The following HSD17B3 variants were observed in gnomAD, a reference collection of about 807,000 sequenced individuals.
The protein encoded by HSD17B3 is 17-beta-hydroxysteroid dehydrogenase type 3.
A neutral mutation model predicts 41.1 loss-of-function variants in HSD17B3; 29 were observed. The ratio of observed to expected loss-of-function variants is 0.71; its 90% CI spans 0.53 to 0.96. The LOEUF (loss-of-function observed/expected upper bound fraction) is 0.96. HSD17B3 is among the 40% of genes least tolerant of loss of function. The pLI is 0.00. For missense variants in HSD17B3, 323 were observed against 374.6 expected, an observed-to-expected ratio of 0.86 and a Z score of 1.14; for synonymous variants, 126 against 145.6, an observed-to-expected ratio of 0.87 and a Z score of 0.97.
At chr9:96,244,454 T>A in intron 8 of HSD17B3, 60 bp from the exon 9 acceptor site, 1 of 1,504,678 alleles carries the variant, frequency 6.6e-7, no homozygotes, top group Admixed American at 1.7e-5. Context: ...CAGAGCCAAC[T>A]TCCTCTGACT....
At chr9:96,256,863 G>A (rs1398957486) in intron 2 of HSD17B3, among the ~76,000 whole-genome samples, 3 of 151,648 alleles carry the variant, frequency 2.0e-5, no homozygotes, top group African/African-American at 7.3e-5. Flanking sequence ...ATGTCAAATT[G>A]TAATCCCCAA....
chr9:96,249,758 A>G lies in HSD17B3; in HGVS notation c.482T>C (p.Val161Ala), dbSNP rs752708155. 1.2e-6 allele frequency: 2 copies of G among 1,613,924 alleles called. No homozygotes were observed. Among genetic ancestry groups the G allele is most frequent in the African/African-American group, 2.7e-5 (2 of 74,932 alleles). The change falls in exon 6 of 11, where the codon GTA becomes GCA. Residue 161 changes from valine to alanine, a missense_variant. By Grantham distance (64) the Val-to-Ala change is moderately conservative (BLOSUM62 0). Transcript: ENST00000375263. ...CATATATTGATCACATACCTTGACT[A>G]CGGAGGTGATGTTACAATGGATGAG... ...QSLIHCNITS[V>A]VKMTQLILKH...
intron 2 of HSD17B3, among the ~76,000 whole-genome samples, chr9:96,260,873 TC>T (rs1453489462): frequency 6.6e-6 from 1 of 152,084 alleles, no homozygotes; most frequent in Non-Finnish European, 1.5e-5. Flanking sequence ...GTGACTCCCA[TC>T]CCCCTCAGGT....
At chr9:96,250,234 A>G (rs887470745) in intron 5 of HSD17B3, 2 of 1,119,986 alleles carry the variant, frequency 1.8e-6, no homozygotes, top group African/African-American at 3.1e-5. Context: ...ATAAAGAGAA[A>G]GGACAAGAGG....
intron 6 of HSD17B3, among the ~76,000 whole-genome samples, chr9:96,249,355 A>G (rs1836801456): frequency 6.6e-6 from 1 of 152,226 alleles, no homozygotes; most frequent in Non-Finnish European, 1.5e-5. Flanking sequence ...GAACAACAAA[A>G]GTCCAGAAAA....
chr9:96,269,741 T>G (rs1232114586), intron 2 of HSD17B3, among the ~76,000 whole-genome samples: 1 of 151,478 alleles, frequency 6.6e-6, no homozygotes, highest in Non-Finnish European at 1.5e-5. Context: ...CCGTCTCTAG[T>G]AAAAATACAA....
intron 3 of HSD17B3, among the ~76,000 whole-genome samples, 170 bp from the exon 4 acceptor site, chr9:96,253,080 T>C (rs1454180943): frequency 1.3e-5 from 2 of 152,138 alleles, no homozygotes; most frequent in Non-Finnish European, 2.9e-5. Context: ...GGTGCTAAGA[T>C]TGGTGAATGG....
intron 2 of HSD17B3, among the ~76,000 whole-genome samples, 166 bp from the exon 3 acceptor site, chr9:96,255,109 C>G (rs1322447519): frequency 6.6e-6 from 1 of 152,096 alleles, no homozygotes; most frequent in African/African-American, 2.4e-5. Flanking sequence ...GGGCTAGGAA[C>G]AACACAACCC....
At chr9:96,246,742 C>A in intron 6 of HSD17B3, 152 bp from the exon 7 acceptor site, 1 of 726,496 alleles carries the variant, frequency 1.4e-6, no homozygotes, top group South Asian at 1.5e-5. Context: ...CATTGGAGGT[C>A]ACTCTGGCCA....
rs35264203 is a variant in HSD17B3 at position 96,240,719 on chromosome 9, C to T, written c.822+39G>A. ...CCTGCCAGGGCCACCTGCGTGTCCT[C>T]CCTCCCTGGCTTCAAGAAAAGGAGA... is the stretch of plus-strand genomic sequence containing the variant. On this transcript the variant is annotated intron_variant, in intron 10 of 10. Coordinates refer to ENST00000375263, the MANE Select transcript of HSD17B3 (RefSeq NM_000197.2). 2,141 of 1,612,132 alleles carry T rather than the reference C, an allele frequency of 1.3e-3. 29 individuals carry two copies. In the African/African-American group the frequency reaches 0.026, roughly 19 times the overall value.
intron 2 of HSD17B3, among the ~76,000 whole-genome samples, chr9:96,265,395 A>G (rs1303132894): frequency 6.6e-6 from 1 of 152,210 alleles, no homozygotes; most frequent in Non-Finnish European, 1.5e-5. Flanking sequence ...AACTGCTAAC[A>G]TATGTCTTTG....
intron 2 of HSD17B3, among the ~76,000 whole-genome samples, chr9:96,264,067 A>AT (rs1389260590): frequency 6.6e-6 from 1 of 152,216 alleles, no homozygotes; most frequent in Non-Finnish European, 1.5e-5. Context: ...TTTACAATGT[A>AT]TATATATTTT....
At chr9:96,279,915 G>A (rs145163858) in intron 2 of HSD17B3, among the ~76,000 whole-genome samples, 20,670 of 151,978 alleles carry the variant, frequency 0.14, 1,935 homozygotes, top group East Asian at 0.29. Flanking sequence ...GACTATAAGC[G>A]CCCGCCACCA....
At chr9:96,289,028 G>C (rs1827043069) in intron 2 of HSD17B3, among the ~76,000 whole-genome samples, 1 of 151,698 alleles carries the variant, frequency 6.6e-6, no homozygotes, top group Non-Finnish European at 1.5e-5. Flanking sequence ...AGGGTCACTT[G>C]AGCCCAGGAG....
At chr9:96,300,209 G>GACACACAC (rs55707445) in intron 1 of HSD17B3, among the ~76,000 whole-genome samples, 7,484 of 116,294 alleles carry the variant, frequency 0.064, 518 homozygotes, top group East Asian at 0.15. Flanking sequence ...ACCCCAAGAG[G>GACACACAC]ACACACACAC....
At chr9:96,297,097 A>G (rs1021514987) in intron 2 of HSD17B3, among the ~76,000 whole-genome samples, 2 of 151,898 alleles carry the variant, frequency 1.3e-5, no homozygotes, top group African/African-American at 4.8e-5. Flanking sequence ...TTTAAAAAAT[A>G]ATGGTATGTA....
intron 9 of HSD17B3, among the ~76,000 whole-genome samples, chr9:96,243,084 T>A (rs1836516324): frequency 1.3e-5 from 2 of 152,230 alleles, no homozygotes; most frequent in African/African-American, 2.4e-5. Context: ...GGGCCCTGTG[T>A]CAGCACAGTG....
chr9:96,301,710 CA>C lies in HSD17B3; in HGVS notation c.154+240del, dbSNP rs35760395. On this transcript the variant is annotated intron_variant, in intron 1 of 10. Transcript: ENST00000375263. ...CGGGCAACAGAGTGAGACTCTGTCT[CA>C]AAAAAAAAAAAAAAACACCATTAGC... Among the ~76,000 whole-genome samples, 3,738 of 103,410 alleles carry C rather than the reference CA, an allele frequency of 0.036. 154 individuals are homozygous for C. The highest frequency in any genetic ancestry group is 0.13 in the African/African-American group (3,476 of 27,498). 67.8% of individuals were successfully genotyped at this position (103,410 alleles called of 152,430 possible). A position where few individuals can be genotyped will look rare whatever the true frequency, so the allele number is the denominator to read the frequency against.
chr9:96,297,347 T>C (rs1173398106), intron 2 of HSD17B3, among the ~76,000 whole-genome samples: 22 of 144,674 alleles, frequency 1.5e-4, no homozygotes, highest in African/African-American at 4.6e-4. Flanking sequence ...ATTTCTTTTT[T>C]TTTTTTTTTT....
Sources: allele counts gnomAD v4.1 joint callset (sites outside exome capture counted in the v4.1 genomes callset), GRCh38; gene constraint gnomAD v4.1.1; transcripts MANE v1.5; gene names NCBI Gene and HGNC (gene_info 2026-07-23, HGNC 2026-07-21).